Variants in CCDC191 observed in about 807,000 individuals in gnomAD.
CCDC191 encodes the protein coiled-coil domain-containing protein 191.
Under a neutral mutation model 114.0 loss-of-function variants are expected in CCDC191, and 99 were observed. The ratio of observed to expected loss-of-function variants is 0.87; its 90% CI spans 0.74 to 1.03. The LOEUF (loss-of-function observed/expected upper bound fraction) is 1.03. Among genes scored for constraint, CCDC191 ranks in the 50% least tolerant of loss-of-function variants. CCDC191 has a pLI of 0.00. For missense variants in CCDC191, 973 were observed against 1,087.0 expected (o/e 0.90, Z 1.47); for synonymous variants, 351 against 376.0 (o/e 0.93, Z 0.77).
intron 2 of CCDC191, among the ~76,000 whole-genome samples, chr3:114,051,860 A>G (rs2076702277): frequency 2.6e-5 from 4 of 152,254 alleles, no homozygotes; most frequent in Admixed American, 2.6e-4. Flanking sequence ...ACAAGGAAGT[A>G]TTAGAAGCAG....
chr3:114,028,545 A>G (rs2076358724), intron 7 of CCDC191, among the ~76,000 whole-genome samples: 1 of 151,912 alleles, frequency 6.6e-6, no homozygotes. Flanking sequence ...TTGGCCTCCC[A>G]AAGTGCTGGA....
chr3:113,978,795 T>C (rs2075031244), intron 15 of CCDC191, 63 bp downstream of exon 15: 4 of 1,535,032 alleles, frequency 2.6e-6, no homozygotes, highest in South Asian at 1.2e-5. Context: ...GGATTTCATT[T>C]AGTTTTCTTA....
At chr3:114,056,263 G>A in intron 1 of CCDC191, 114 bp downstream of exon 1, 2 of 973,118 alleles carry the variant, frequency 2.1e-6, no homozygotes, top group Non-Finnish European at 3.2e-6. Flanking sequence ...TCAAGGCAGG[G>A]GCGTGTCAGC....
intron 2 of CCDC191, chr3:114,047,093 T>C (rs1431708970): frequency 1.0e-6 from 1 of 978,600 alleles, no homozygotes; most frequent in African/African-American, 1.7e-5. Flanking sequence ...TTTCATGCCC[T>C]TAGGACTTGC....
intron 7 of CCDC191, among the ~76,000 whole-genome samples, chr3:114,030,777 T>C (rs1383392567): frequency 6.6e-6 from 1 of 152,218 alleles, no homozygotes; most frequent in African/African-American, 2.4e-5. Context: ...TATCCCTACA[T>C]TTACCAAGCT....
chr3:113,968,626 G>GTTTT lies in CCDC191; in HGVS notation c.2607-3271_2607-3268dup, dbSNP rs373015779. Among the ~76,000 whole-genome samples the GTTTT allele has an allele frequency of 6.9e-4, 94 of 137,022 alleles. 1 individual carries two copies. In the East Asian group the frequency reaches 0.013, roughly 19 times the overall value. The allele number at this position is 137,022 out of a possible 152,430, so 89.9% of individuals were successfully genotyped here. ...CATGACTCCTGGCTAATAGTTTTTT[G>GTTTT]TTTTTTTTTTTTTGGTAGAGATGGG... On this transcript the variant is annotated intron_variant, in intron 16 of 16. Transcript: ENST00000295878.
intron 16 of CCDC191, among the ~76,000 whole-genome samples, chr3:113,973,825 G>C (rs1295895660): frequency 6.6e-6 from 1 of 151,802 alleles, no homozygotes; most frequent in Admixed American, 6.6e-5. Context: ...ATATGTCTTT[G>C]TCAAGTTTTG....
intron 8 of CCDC191, among the ~76,000 whole-genome samples, chr3:114,013,964 T>G (rs1462480616): frequency 6.6e-6 from 1 of 152,198 alleles, no homozygotes; most frequent in African/African-American, 2.4e-5. Flanking sequence ...CCTGAGAATC[T>G]AATTCAATTT....
chr3:114,006,181 G>T, intron 9 of CCDC191: 1 of 638,260 alleles, frequency 1.6e-6, no homozygotes, highest in South Asian at 1.7e-5. Context: ...GGCTGTGGTG[G>T]CTCATGCCTG....
intron 16 of CCDC191, among the ~76,000 whole-genome samples, chr3:113,973,628 T>C (rs1941042819): frequency 6.6e-6 from 1 of 151,904 alleles, no homozygotes; most frequent in Non-Finnish European, 1.5e-5. Context: ...TTCAGCACTT[T>C]GAAAATCTCA....
chr3:114,006,878 G>A (rs2075980867), intron 9 of CCDC191, among the ~76,000 whole-genome samples: 1 of 151,684 alleles, frequency 6.6e-6, no homozygotes, highest in Non-Finnish European at 1.5e-5. Context: ...CTAGCTAACC[G>A]TTTCCAGCTA....
intron 13 of CCDC191, among the ~76,000 whole-genome samples, chr3:113,999,076 C>T (rs769635711): frequency 7.9e-5 from 12 of 152,092 alleles, no homozygotes; most frequent in Non-Finnish European, 1.3e-4. Flanking sequence ...TTCAGAAGTC[C>T]GTACATGCTC....
chr3:113,976,124 C>T (rs554419873), intron 16 of CCDC191, among the ~76,000 whole-genome samples: 3 of 151,834 alleles, frequency 2.0e-5, no homozygotes, highest in Non-Finnish European at 4.4e-5. Context: ...CTGGGCATGG[C>T]AGTACATGCC....
intron 7 of CCDC191, among the ~76,000 whole-genome samples, chr3:114,027,440 T>G (rs1259909749): frequency 8.1e-6 from 1 of 123,320 alleles, no homozygotes; most frequent in Non-Finnish European, 1.7e-5. Context: ...ATGGTGAAAC[T>G]CCGTCTCTAC....
intron 13 of CCDC191, among the ~76,000 whole-genome samples, chr3:113,993,893 A>AG (rs923735394): frequency 3.0e-4 from 46 of 152,294 alleles, no homozygotes; most frequent in African/African-American, 1.0e-3. Context: ...AGAGAAAAAA[A>AG]AAGAAAAGAA....
chr3:114,045,864 A>G (rs1486883842), intron 3 of CCDC191, among the ~76,000 whole-genome samples: 1 of 152,202 alleles, frequency 6.6e-6, no homozygotes, highest in Non-Finnish European at 1.5e-5. Flanking sequence ...GGATCACTGT[A>G]AAATTTTCTT....
chr3:113,996,077 T>C (rs887538186), intron 13 of CCDC191, among the ~76,000 whole-genome samples: 1 of 152,188 alleles, frequency 6.6e-6, no homozygotes, highest in African/African-American at 2.4e-5. Context: ...TGTAGGTTCC[T>C]ATTCACTTTT....
At chr3:114,054,083 C>T (rs896200859) in intron 1 of CCDC191, 2 of 152,486 alleles carry the variant, frequency 1.3e-5, no homozygotes, top group African/African-American at 4.8e-5. Flanking sequence ...TAGCCTGTAG[C>T]AAGAGGCTTT....
chr3:113,994,220 A>G (rs1423375513), intron 13 of CCDC191, among the ~76,000 whole-genome samples: 5 of 152,250 alleles, frequency 3.3e-5, no homozygotes, highest in Admixed American at 6.5e-5. Flanking sequence ...TAAACAAAAA[A>G]TGGACAAAAG....
Sources: gnomAD v4.1 joint callset for allele counts (sites outside exome capture counted in the v4.1 genomes callset) on GRCh38, gnomAD v4.1.1 for gene constraint, MANE v1.5 for transcripts, NCBI Gene and HGNC (gene_info 2026-07-23, HGNC 2026-07-21) for gene names.